PLCB1: variants seen among roughly 807,000 people sequenced by gnomAD.
The protein encoded by PLCB1 is 1-phosphatidylinositol 4,5-bisphosphate phosphodiesterase beta-1.
PLCB1 carries 46 observed loss-of-function variants against 161.8 expected under a neutral mutation model. The ratio of observed to expected loss-of-function variants is 0.28; its 90% CI spans 0.22 to 0.36. PLCB1 has a LOEUF of 0.36. PLCB1 is among the 10% of genes least tolerant of loss of function. PLCB1 has a pLI of 1.00. For missense variants in PLCB1, 1,016 were observed against 1,472.5 expected (o/e 0.69, Z 5.07); for synonymous variants, 517 against 503.7 (o/e 1.03, Z -0.35).
chr20:8,763,265 G>A (rs1368591137), intron 25 of PLCB1, among the ~76,000 whole-genome samples: 3 of 152,196 alleles, frequency 2.0e-5, no homozygotes, highest in Admixed American at 6.5e-5. Context: ...GCAATGATGT[G>A]ATCGCGGCTC....
intron 26 of PLCB1, among the ~76,000 whole-genome samples, chr20:8,769,949 T>C (rs1049191776): frequency 1.3e-5 from 2 of 150,480 alleles, no homozygotes; most frequent in Admixed American, 6.6e-5. Context: ...AATCATCTCT[T>C]TTTTTTTTGT....
At chr20:8,715,563 C>G (rs1979259284) in intron 12 of PLCB1, among the ~76,000 whole-genome samples, 1 of 152,184 alleles carries the variant, frequency 6.6e-6, no homozygotes, top group African/African-American at 2.4e-5. Context: ...AGCCTTTTTC[C>G]ATTATACCAG....
chr20:8,371,453 A>G lies in PLCB1; in HGVS notation c.246+3A>G. 6.2e-7 allele frequency: 1 copy of G among 1,608,064 alleles called. No homozygotes were observed. The highest frequency in any genetic ancestry group is 8.5e-7 in the Non-Finnish European group (1 of 1,174,854). On this transcript the variant is annotated splice_donor_region_variant and intron_variant, in intron 3 of 31. Coordinates refer to ENST00000338037, the MANE Select transcript of PLCB1 (RefSeq NM_015192.4). Reference sequence around the variant, plus strand: ...GGAGACACGCCAAAGCTCCCAAGGTAGGAGGTTGAGTGTTGTGCATGCACC... The same window carrying G: ...GGAGACACGCCAAAGCTCCCAAGGTGGGAGGTTGAGTGTTGTGCATGCACC...
At chr20:8,221,020 C>T (rs1979379380) in intron 2 of PLCB1, among the ~76,000 whole-genome samples, 2 of 152,128 alleles carry the variant, frequency 1.3e-5, no homozygotes, top group Admixed American at 1.3e-4. Flanking sequence ...TGGAAATCTT[C>T]CACTTCCCAC....
intron 3 of PLCB1, among the ~76,000 whole-genome samples, chr20:8,387,420 C>A (rs557433560): frequency 6.6e-6 from 1 of 152,246 alleles, no homozygotes; most frequent in African/African-American, 2.4e-5. Context: ...CAGTCAGTAC[C>A]CACACAACAT....
chr20:8,336,832 AT>A (rs529420121), intron 2 of PLCB1, among the ~76,000 whole-genome samples: 45 of 151,950 alleles, frequency 3.0e-4, no homozygotes, highest in East Asian at 1.4e-3. Context: ...ATTATTCATC[AT>A]TTTTTTTCTT....
At chr20:8,355,659 T>G (rs575010758) in intron 2 of PLCB1, among the ~76,000 whole-genome samples, 2 of 152,140 alleles carry the variant, frequency 1.3e-5, no homozygotes, top group Non-Finnish European at 2.9e-5. Context: ...CAAAGTTTGG[T>G]GGCGAATGAG....
chr20:8,788,482 T>C lies in PLCB1; in HGVS notation c.3145T>C (p.Cys1049Arg). 1 of 1,613,660 alleles carries C rather than the reference T, an allele frequency of 6.2e-7. No homozygotes were observed. Among genetic ancestry groups the C allele is most frequent in the Non-Finnish European group, 8.5e-7 (1 of 1,179,894 alleles). ...IQKLTDVAEE[C>R]QNNQLKKLKE... ...AAAGTTGACGGATGTCGCAGAAGAG[T>C]GTCAGAACAATCAGTTAAAGAAGCT... The change falls in exon 28 of 32, where the codon TGT becomes CGT. Residue 1049 changes from cysteine to arginine, a missense_variant. Cys to Arg is a radical substitution (Grantham distance 180, BLOSUM62 -3). This residue lies in a region of PLCB1 where 398 missense variants were observed against 445.4 expected (regional missense o/e 0.89). Transcript: ENST00000338037.
At chr20:8,147,113 G>A (rs1353266161) in intron 1 of PLCB1, among the ~76,000 whole-genome samples, 2 of 152,028 alleles carry the variant, frequency 1.3e-5, no homozygotes, top group Non-Finnish European at 2.9e-5. Context: ...GCCTACATCC[G>A]TGGTTTTGTA....
At chr20:8,423,885 G>C (rs576680043) in intron 3 of PLCB1, among the ~76,000 whole-genome samples, 1 of 152,112 alleles carries the variant, frequency 6.6e-6, no homozygotes, top group East Asian at 1.9e-4. Context: ...TTCCTAGAGT[G>C]TCTTGTATTT....
intron 3 of PLCB1, among the ~76,000 whole-genome samples, chr20:8,463,173 GTGTGTGTGTC>G (rs1301182668): frequency 1.1e-4 from 17 of 151,534 alleles, no homozygotes; most frequent in African/African-American, 4.1e-4. Context: ...GTGTGTGTGT[GTGTGTGTGTC>G]TGTGTATGTG....
chr20:8,502,069 G>A (rs1004449395), intron 3 of PLCB1, among the ~76,000 whole-genome samples: 2 of 151,426 alleles, frequency 1.3e-5, no homozygotes, highest in African/African-American at 4.8e-5. Flanking sequence ...TTTGTTAAAT[G>A]TAATTAACGT....
intron 22 of PLCB1, 32 bp downstream of exon 22, chr20:8,740,480 CA>C (rs779284089): frequency 8.4e-7 from 1 of 1,192,308 alleles, no homozygotes; most frequent in East Asian, 2.5e-5. Context: ...CCACTTTACT[CA>C]AAGGGGTATT....
chr20:8,789,511 CT>C lies in PLCB1; in HGVS notation c.3279-3del. ...GGTATAATGATGTATTCATCATTTG[CT>C]TTTAGGGAGAAGACAGAGATGATCC... On this transcript the variant is annotated splice_polypyrimidine_tract_variant and splice_region_variant and intron_variant, in intron 29 of 31. Coordinates refer to ENST00000338037, the MANE Select transcript of PLCB1 (RefSeq NM_015192.4). 6.3e-7 allele frequency: 1 copy of C among 1,599,584 alleles called. No individual in the cohort carries two copies. Among genetic ancestry groups the C allele is most frequent in the Non-Finnish European group, 8.6e-7 (1 of 1,166,886 alleles).
chr20:8,438,907 A>C (rs904464953), intron 3 of PLCB1, among the ~76,000 whole-genome samples: 1 of 152,188 alleles, frequency 6.6e-6, no homozygotes, highest in African/African-American at 2.4e-5. Context: ...ATGGAGCATG[A>C]CTGGCCTTGC....
intron 12 of PLCB1, among the ~76,000 whole-genome samples, chr20:8,711,196 T>G (rs1421494152): frequency 6.6e-6 from 1 of 152,230 alleles, no homozygotes; most frequent in Non-Finnish European, 1.5e-5. Flanking sequence ...AAATGCACAC[T>G]TTTAACCAAC....
Position 8,455,376 on chromosome 20 carries a change from T to C in PLCB1, c.246+83926T>C, listed in dbSNP as rs1353058904. Among the ~76,000 whole-genome samples the C allele has an allele frequency of 5.3e-5, 8 of 149,850 alleles. No homozygotes were observed. The South Asian group carries it at 6.3e-4, about 12-fold the overall frequency. ...TCAATTGGAAGTATCTGGAAGGTAA[T>C]TGCTATACCATTAAATGAGATATAT... On this transcript the variant is annotated intron_variant, in intron 3 of 31. Transcript: ENST00000338037.
chr20:8,386,165 C>G (rs1377030516), intron 3 of PLCB1, among the ~76,000 whole-genome samples: 2 of 152,158 alleles, frequency 1.3e-5, no homozygotes, highest in East Asian at 3.9e-4. Flanking sequence ...TCCCATGAAT[C>G]TTGAATGTTC....
chr20:8,307,350 A>G (rs1984177505), intron 2 of PLCB1, among the ~76,000 whole-genome samples: 1 of 152,230 alleles, frequency 6.6e-6, no homozygotes, highest in Non-Finnish European at 1.5e-5. Context: ...GCTTCAAATG[A>G]ATTATGGATA....
Sources: allele counts gnomAD v4.1 joint callset (sites outside exome capture counted in the v4.1 genomes callset), GRCh38; gene constraint gnomAD v4.1.1; regional missense constraint gnomAD v4.1.1; transcripts MANE v1.5; gene names NCBI Gene and HGNC (gene_info 2026-07-23, HGNC 2026-07-21).